CADPS: variants seen among roughly 807,000 people sequenced by gnomAD.
CADPS encodes the protein calcium-dependent secretion activator 1.
CADPS carries 57 observed loss-of-function variants against 167.3 expected under a neutral mutation model. The observed-to-expected ratio is 0.34, with a 90% CI of 0.28 to 0.42. The LOEUF (loss-of-function observed/expected upper bound fraction) is 0.42, where lower values mean the gene tolerates loss of function less well. Among genes scored for constraint, CADPS ranks in the 20% least tolerant of loss-of-function variants. CADPS has a pLI of 1.00. For synonymous variants in CADPS, 676 were observed against 635.3 expected (o/e 1.06, Z -0.96); for missense variants, 1,414 against 1,738.1 (o/e 0.81, Z 3.32).
intron 23 of CADPS, 149 bp from the exon 24 acceptor site, chr3:62,474,469 A>T: frequency 1.4e-6 from 1 of 689,768 alleles, no homozygotes; most frequent in Non-Finnish European, 2.5e-6. Flanking sequence ...CTTTTAAATG[A>T]CTTTCCCAAC....
intron 27 of CADPS, chr3:62,440,282 A>G (rs1049881659): frequency 5.3e-5 from 8 of 152,172 alleles, no homozygotes; most frequent in African/African-American, 1.9e-4. Context: ...TGGATCTCCC[A>G]CAAATTGGAA....
chr3:62,470,305 G>T (rs2060437850), intron 24 of CADPS, among the ~76,000 whole-genome samples: 1 of 152,172 alleles, frequency 6.6e-6, no homozygotes, highest in Non-Finnish European at 1.5e-5. Flanking sequence ...CCAGGTGGAG[G>T]CTGGTATTAG....
intron 3 of CADPS, among the ~76,000 whole-genome samples, chr3:62,677,061 G>C (rs775312342): frequency 2.0e-5 from 3 of 152,148 alleles, no homozygotes; most frequent in Non-Finnish European, 2.9e-5. Flanking sequence ...TGGCCAACAC[G>C]GGAGAACAGC....
intron 29 of CADPS, among the ~76,000 whole-genome samples, chr3:62,402,559 C>A (rs573090232): frequency 6.6e-6 from 1 of 152,274 alleles, no homozygotes; most frequent in South Asian, 2.1e-4. Context: ...TGTTATCTCA[C>A]CTTTGTGATC....
intron 1 of CADPS, among the ~76,000 whole-genome samples, chr3:62,784,703 T>C (rs2092218646): frequency 6.7e-6 from 1 of 148,544 alleles, no homozygotes; most frequent in Non-Finnish European, 1.5e-5. Context: ...ATCCACATTG[T>C]GGGAAACTCT....
chr3:62,725,963 G>T (rs1575531355), intron 3 of CADPS, among the ~76,000 whole-genome samples: 1 of 151,974 alleles, frequency 6.6e-6, no homozygotes, highest in East Asian at 1.9e-4. Flanking sequence ...GAACCTGCCA[G>T]AGTCTGGCTT....
chr3:62,696,015 C>T (rs188124630), intron 3 of CADPS, among the ~76,000 whole-genome samples: 197 of 152,204 alleles, frequency 1.3e-3, no homozygotes, highest in African/African-American at 4.5e-3. Flanking sequence ...GATTAATCTG[C>T]CTTTTGTCAG....
chr3:62,482,426 TA>T lies in CADPS; in HGVS notation c.3027-558del, dbSNP rs1309676926. Reference sequence around the variant, plus strand: ...CCAAGCTCTTTCTAACTGCTGCTTCTAAAGACAGGTGTATGGGCAATGGCAT... The same window carrying T: ...CCAAGCTCTTTCTAACTGCTGCTTCTAAGACAGGTGTATGGGCAATGGCAT... On this transcript the variant is annotated intron_variant, in intron 21 of 29. Coordinates refer to ENST00000383710, the MANE Select transcript of CADPS (RefSeq NM_003716.4). Among the ~76,000 whole-genome samples, 3 of 152,346 alleles carry T rather than the reference TA, an allele frequency of 2.0e-5. No homozygotes were observed. In the East Asian group the frequency reaches 5.8e-4, roughly 29 times the overall value.
intron 9 of CADPS, among the ~76,000 whole-genome samples, chr3:62,561,472 T>C (rs2079152893): frequency 6.6e-6 from 1 of 151,724 alleles, no homozygotes; most frequent in Non-Finnish European, 1.5e-5. Context: ...TGTCTCACTA[T>C]GTTACCTAGG....
chr3:62,445,477 G>GA (rs2057054418), intron 27 of CADPS, among the ~76,000 whole-genome samples: 1 of 151,934 alleles, frequency 6.6e-6, no homozygotes, highest in Non-Finnish European at 1.5e-5. Flanking sequence ...AAAACAGAAT[G>GA]AAACAACAGA....
chr3:62,806,973 CG>C (rs144413072), intron 1 of CADPS, among the ~76,000 whole-genome samples: 27,768 of 151,978 alleles, frequency 0.18, 2,826 homozygotes, highest in Middle Eastern at 0.32. Context: ...CAAAAGAGAT[CG>C]CTTTTTAAAA....
At chr3:62,469,561 G>C (rs1431449259) in intron 24 of CADPS, 1 of 152,404 alleles carries the variant, frequency 6.6e-6, no homozygotes, top group East Asian at 1.9e-4. Flanking sequence ...CGCCAGGCTG[G>C]AGTGCAGCAG....
chr3:62,470,193 A>G (rs1365190235), intron 24 of CADPS, among the ~76,000 whole-genome samples: 1 of 152,180 alleles, frequency 6.6e-6, no homozygotes, highest in Non-Finnish European at 1.5e-5. Context: ...CTGCCTTTAC[A>G]TGTGATATTA....
At chr3:62,831,181 G>T (rs763040730) in intron 1 of CADPS, among the ~76,000 whole-genome samples, 1 of 152,144 alleles carries the variant, frequency 6.6e-6, no homozygotes, top group African/African-American at 2.4e-5. Flanking sequence ...AACATCTCTT[G>T]TGTGCTGTAT....
chr3:62,679,339 AC>A (rs750018104), intron 3 of CADPS, among the ~76,000 whole-genome samples: 5 of 152,064 alleles, frequency 3.3e-5, no homozygotes, highest in Non-Finnish European at 7.4e-5. Context: ...GGGCCATCTT[AC>A]TGGAGCTTCA....
At chr3:62,456,284 T>A (rs1411032741) in intron 26 of CADPS, among the ~76,000 whole-genome samples, 1 of 152,160 alleles carries the variant, frequency 6.6e-6, no homozygotes, top group African/African-American at 2.4e-5. Context: ...CTCCTTAAAC[T>A]AGCTCACTTT....
intron 28 of CADPS, among the ~76,000 whole-genome samples, chr3:62,434,754 C>T (rs1044710023): frequency 3.3e-5 from 5 of 152,062 alleles, no homozygotes; most frequent in African/African-American, 1.2e-4. Context: ...GAAAATGCAC[C>T]GTTAAATGAC....
intron 1 of CADPS, among the ~76,000 whole-genome samples, chr3:62,870,092 G>A (rs1243875254): frequency 6.6e-6 from 1 of 152,152 alleles, no homozygotes; most frequent in East Asian, 1.9e-4. Flanking sequence ...GAAAGTCTCT[G>A]CTATCAGTGC....
intron 3 of CADPS, among the ~76,000 whole-genome samples, chr3:62,702,407 G>C (rs1225159237): frequency 1.3e-5 from 2 of 152,132 alleles, no homozygotes; most frequent in Non-Finnish European, 2.9e-5. Flanking sequence ...AGCCTGTCGG[G>C]GGAAGAATGA....
Sources: allele counts gnomAD v4.1 joint callset (sites outside exome capture counted in the v4.1 genomes callset), GRCh38; gene constraint gnomAD v4.1.1; transcripts MANE v1.5; gene names NCBI Gene and HGNC (gene_info 2026-07-23, HGNC 2026-07-21).